CWC27: variants seen among roughly 807,000 people sequenced by gnomAD.
The protein encoded by CWC27 is CWC27 spliceosome associated cyclophilin, also known as spliceosome-associated protein CWC27 homolog.
Under a neutral mutation model 63.6 loss-of-function variants are expected in CWC27, and 47 were observed. The ratio of observed to expected loss-of-function variants is 0.74; its 90% CI spans 0.58 to 0.94. The LOEUF (loss-of-function observed/expected upper bound fraction) is 0.94. Among genes scored for constraint, CWC27 ranks in the 40% least tolerant of loss-of-function variants. CWC27 has a pLI of 0.00. For synonymous variants in CWC27, 175 were observed against 179.8 expected (o/e 0.97, Z 0.22); for missense variants, 495 against 554.3 (o/e 0.89, Z 1.07).
rs553725410 is a variant in CWC27, at chr5:65,000,599, A to C, written c.1257-17560A>C. 3.0e-3 allele frequency among the ~76,000 whole-genome samples: 458 copies of C among 152,024 alleles called. 3 individuals carry two copies. The highest frequency in any genetic ancestry group is 4.9e-3 in the Non-Finnish European group (332 of 67,892). ...GAAGAGGGTGTCTTTTTCCCAAAGTATGTTCTTGGCACCTTTGTTGAAAGT... is the reference window on the plus strand; with the variant it reads ...GAAGAGGGTGTCTTTTTCCCAAAGTCTGTTCTTGGCACCTTTGTTGAAAGT... On this transcript the variant is annotated intron_variant, in intron 13 of 13. Transcript: ENST00000381070.
chr5:64,857,556 G>T (rs1298126756), intron 10 of CWC27, among the ~76,000 whole-genome samples: 1 of 152,048 alleles, frequency 6.6e-6, no homozygotes, highest in Non-Finnish European at 1.5e-5. Context: ...GTATAAATAA[G>T]GTAGCCTTAT....
chr5:64,956,658 T>C (rs1748807157), intron 11 of CWC27, among the ~76,000 whole-genome samples: 1 of 152,108 alleles, frequency 6.6e-6, no homozygotes, highest in Non-Finnish European at 1.5e-5. Context: ...GCTCCTAACC[T>C]GGAAAACTGT....
intron 13 of CWC27, among the ~76,000 whole-genome samples, chr5:64,977,466 G>C (rs1291221309): frequency 6.6e-6 from 1 of 152,178 alleles, no homozygotes; most frequent in East Asian, 1.9e-4. Flanking sequence ...GTCCGGCATT[G>C]TGCTAGTCAG....
At chr5:65,012,697 A>C (rs1749984122) in intron 13 of CWC27, among the ~76,000 whole-genome samples, 1 of 152,236 alleles carries the variant, frequency 6.6e-6, no homozygotes. Context: ...GAGATTATTC[A>C]GTTCAAATAA....
At chr5:64,775,246 A>G (rs927465124) in intron 2 of CWC27, among the ~76,000 whole-genome samples, 1 of 152,212 alleles carries the variant, frequency 6.6e-6, no homozygotes, top group Non-Finnish European at 1.5e-5. Flanking sequence ...ACTGTTAGCT[A>G]TAACAAAACC....
intron 11 of CWC27, among the ~76,000 whole-genome samples, chr5:64,895,943 G>A (rs908047848): frequency 2.6e-5 from 4 of 152,124 alleles, no homozygotes; most frequent in Non-Finnish European, 5.9e-5. Context: ...TCTAGGAGGA[G>A]ACCAAAGGGC....
intron 13 of CWC27, among the ~76,000 whole-genome samples, chr5:64,987,630 C>A (rs578201315): frequency 6.6e-6 from 1 of 152,252 alleles, no homozygotes; most frequent in African/African-American, 2.4e-5. Flanking sequence ...GATCTACTGG[C>A]CACAGATTAT....
At chr5:64,981,016 TGAAA>T (rs1444709822) in intron 13 of CWC27, among the ~76,000 whole-genome samples, 1 of 151,974 alleles carries the variant, frequency 6.6e-6, no homozygotes, top group Non-Finnish European at 1.5e-5. Context: ...CGCTTGAACC[TGAAA>T]GGTGGAGGTT....
At chr5:64,796,729 C>T (rs1744278910) in intron 7 of CWC27, among the ~76,000 whole-genome samples, 1 of 150,838 alleles carries the variant, frequency 6.6e-6, no homozygotes, top group South Asian at 2.1e-4. Flanking sequence ...CAATGTTGCT[C>T]CTGTGTCCCT....
At chr5:64,957,676 T>G (rs1433625215) in intron 11 of CWC27, among the ~76,000 whole-genome samples, 4 of 152,138 alleles carry the variant, frequency 2.6e-5, no homozygotes, top group African/African-American at 9.7e-5. Flanking sequence ...TATCAAGTAG[T>G]CTATCTGACA....
intron 11 of CWC27, among the ~76,000 whole-genome samples, chr5:64,967,308 G>A (rs77497496): frequency 0.025 from 3,818 of 152,034 alleles, 71 homozygotes; most frequent in South Asian, 0.052. Context: ...GGTTAAGTCA[G>A]TAAAACTTTG....
At chr5:64,949,484 A>G (rs1316066167) in intron 11 of CWC27, among the ~76,000 whole-genome samples, 2 of 151,946 alleles carry the variant, frequency 1.3e-5, no homozygotes, top group Non-Finnish European at 2.9e-5. Flanking sequence ...TCTGTTGCTA[A>G]TCTCAAATCC....
chr5:64,944,980 T>G (rs1318795252), intron 11 of CWC27, among the ~76,000 whole-genome samples: 1 of 152,160 alleles, frequency 6.6e-6, no homozygotes, highest in East Asian at 1.9e-4. Flanking sequence ...TCTCATCTCC[T>G]TATACTTCTC....
intron 13 of CWC27, among the ~76,000 whole-genome samples, chr5:64,993,188 A>G (rs1749569781): frequency 6.6e-6 from 1 of 152,224 alleles, no homozygotes; most frequent in Admixed American, 6.5e-5. Flanking sequence ...CTCAGGAAAT[A>G]GTAGGTGTGA....
intron 12 of CWC27, among the ~76,000 whole-genome samples, chr5:64,973,460 G>A (rs1749161600): frequency 6.6e-6 from 1 of 152,198 alleles, no homozygotes; most frequent in Admixed American, 6.5e-5. Context: ...TTCTGGGAAG[G>A]CTCTCGCTGT....
At chr5:64,980,494 A>T (rs1382129964) in intron 13 of CWC27, among the ~76,000 whole-genome samples, 2 of 152,214 alleles carry the variant, frequency 1.3e-5, no homozygotes, top group Admixed American at 6.5e-5. Context: ...AGAAAGATTA[A>T]ATCTATGTGA....
intron 10 of CWC27, among the ~76,000 whole-genome samples, chr5:64,821,197 G>T (rs1745187986): frequency 6.7e-6 from 1 of 149,000 alleles, no homozygotes. Flanking sequence ...TGATTCTCCT[G>T]CCTCAGCCTC....
intron 11 of CWC27, among the ~76,000 whole-genome samples, chr5:64,966,326 G>T (rs749357528): frequency 1.1e-4 from 17 of 152,084 alleles, no homozygotes; most frequent in Non-Finnish European, 2.2e-4. Flanking sequence ...TCCTTTGAAA[G>T]CTTATCACTT....
intron 3 of CWC27, among the ~76,000 whole-genome samples, chr5:64,782,956 T>C (rs574924261): frequency 4.9e-4 from 75 of 152,334 alleles, no homozygotes; most frequent in African/African-American, 1.8e-3. Flanking sequence ...TTTTATTTGG[T>C]GTGACAGAAT....
Sources: allele counts gnomAD v4.1 joint callset (sites outside exome capture counted in the v4.1 genomes callset), GRCh38; gene constraint gnomAD v4.1.1; transcripts MANE v1.5; gene names NCBI Gene and HGNC (gene_info 2026-07-23, HGNC 2026-07-21).